Variants in PRDM16 observed in about 807,000 individuals in gnomAD.
The protein encoded by PRDM16 is histone-lysine N-methyltransferase PRDM16.
PRDM16 carries 23 observed loss-of-function variants against 110.6 expected under a neutral mutation model. The observed-to-expected ratio is 0.21, with a 90% CI of 0.15 to 0.29. PRDM16 has a LOEUF of 0.29. Ranked by LOEUF, PRDM16 falls within the 10% of genes least tolerant of loss-of-function variation. The probability of loss-of-function intolerance (pLI) is 1.00; values close to 1 mark genes in which losing one functional copy is unlikely to be tolerated. For missense variants in PRDM16, 1,615 were observed against 1,794.3 expected, an observed-to-expected ratio of 0.90 and a Z score of 1.81; for synonymous variants, 799 against 781.8, an observed-to-expected ratio of 1.02 and a Z score of -0.37.
chr1:3,179,807 G>A (rs532990741), intron 1 of PRDM16, among the ~76,000 whole-genome samples: 1 of 152,316 alleles, frequency 6.6e-6, no homozygotes, highest in East Asian at 1.9e-4. Context: ...GAGTGATCTC[G>A]TACAAGCTTT....
intron 3 of PRDM16, among the ~76,000 whole-genome samples, chr1:3,335,133 C>G (rs1642118266): frequency 6.6e-6 from 1 of 152,224 alleles, no homozygotes; most frequent in South Asian, 2.1e-4. Context: ...AGGCCCCTGT[C>G]CCTGCCTGGA....
rs568206734 is a variant in PRDM16, at chr1:3,255,671, T to A, written c.438+11534T>A. Among the ~76,000 whole-genome samples the A allele has an allele frequency of 6.6e-6, 1 of 152,294 alleles. No individual in the cohort carries two copies. Among genetic ancestry groups the A allele is most frequent in the Non-Finnish European group, 1.5e-5 (1 of 68,008 alleles). Reference sequence around the variant, plus strand: ...AGCAGGGCTTGGTCCACCCTGGCGGTTGGGCCCAGTTTGTCCTGACTGCCT... The same window carrying A: ...AGCAGGGCTTGGTCCACCCTGGCGGATGGGCCCAGTTTGTCCTGACTGCCT... On this transcript the variant is annotated intron_variant, in intron 3 of 16. Coordinates refer to ENST00000270722, the MANE Select transcript of PRDM16 (RefSeq NM_022114.4). This position sits in a 1 kb window ranked among gnomAD's most constrained non-coding sequence, Gnocchi z 4.7.
At chr1:3,198,680 C>G (rs1396476774) in intron 2 of PRDM16, among the ~76,000 whole-genome samples, 1 of 152,250 alleles carries the variant, frequency 6.6e-6, no homozygotes, top group African/African-American at 2.4e-5. Flanking sequence ...CCACTCTGGT[C>G]CTCCGGTCCC....
At chr1:3,110,724 C>T (rs142077094) in intron 1 of PRDM16, among the ~76,000 whole-genome samples, 2 of 152,336 alleles carry the variant, frequency 1.3e-5, no homozygotes, top group Non-Finnish European at 2.9e-5. Flanking sequence ...TTTCCTTCTC[C>T]TCACGTGGCA....
Position 3,092,102 on chromosome 1 carries a change from A to G in PRDM16, c.37+22806A>G, listed in dbSNP as rs533721756. Among the ~76,000 whole-genome samples the G allele has an allele frequency of 9.9e-5, 14 of 141,718 alleles. No homozygotes were observed. The East Asian group carries it at 2.6e-3, about 26-fold the overall frequency. 93.0% of individuals were successfully genotyped at this position (141,718 alleles called of 152,430 possible). A position where few individuals can be genotyped will look rare whatever the true frequency, so the allele number is the denominator to read the frequency against. ...ATCGCAGGATGCTCCCTGGGCCCCCATGTCACGGCACTGCTGCATGCTTGG... is the reference window on the plus strand; with the variant it reads ...ATCGCAGGATGCTCCCTGGGCCCCCGTGTCACGGCACTGCTGCATGCTTGG... On this transcript the variant is annotated intron_variant, in intron 1 of 16. Transcript: ENST00000270722.
chr1:3,193,466 A>T (rs1428392767), intron 2 of PRDM16, among the ~76,000 whole-genome samples: 1 of 152,198 alleles, frequency 6.6e-6, no homozygotes, highest in East Asian at 1.9e-4. Flanking sequence ...GTAGAAGCAG[A>T]ACTTGTGTGT....
chr1:3,292,380 C>T (rs1034813314), intron 3 of PRDM16, among the ~76,000 whole-genome samples: 2 of 152,188 alleles, frequency 1.3e-5, no homozygotes, highest in South Asian at 2.1e-4. Flanking sequence ...GGCTCTGTCC[C>T]GCAGCCTTTG....
intron 2 of PRDM16, among the ~76,000 whole-genome samples, chr1:3,196,762 A>G (rs551567072): frequency 4.6e-5 from 7 of 152,322 alleles, no homozygotes; most frequent in African/African-American, 1.7e-4. Flanking sequence ...CCAGCCCAGG[A>G]GGAGGCCCTG....
chr1:3,397,994 G>C (rs1643412729), intron 5 of PRDM16, among the ~76,000 whole-genome samples: 1 of 152,162 alleles, frequency 6.6e-6, no homozygotes, highest in South Asian at 2.1e-4. Context: ...CCTATCTGCA[G>C]CTTCCTCTAA....
chr1:3,296,511 G>A (rs570047198), intron 3 of PRDM16, among the ~76,000 whole-genome samples: 35 of 152,360 alleles, frequency 2.3e-4, no homozygotes, highest in African/African-American at 8.4e-4. Flanking sequence ...CTAACCCGGG[G>A]CCTCGTGTTG....
chr1:3,095,514 C>T (rs746006576), intron 1 of PRDM16, among the ~76,000 whole-genome samples: 3 of 152,180 alleles, frequency 2.0e-5, no homozygotes, highest in Non-Finnish European at 2.9e-5. Flanking sequence ...GCAGCCCAAG[C>T]ACTGCGTGGT....
At chr1:3,193,647 C>T (rs547595906) in intron 2 of PRDM16, among the ~76,000 whole-genome samples, 18 of 152,296 alleles carry the variant, frequency 1.2e-4, no homozygotes, top group South Asian at 6.2e-4. Context: ...CTGAGAAGTG[C>T]GCCCACCCAG....
chr1:3,396,563 C>G lies in PRDM16; in HGVS notation c.646C>G (p.Pro216Ala). Residue 216 changes from proline (P) to alanine (A), a missense_variant, in exon 5 of 17, where the codon CCC (proline) becomes GCC (alanine). Physicochemically the swap from Pro to Ala is conservative, Grantham distance 27. Around this residue, in one of 5 missense-constraint regions of PRDM16, gnomAD observed 416 missense variants for 467.1 expected, o/e 0.89. Transcript: ENST00000270722. ...LLVHVKEGVY[P>A]LGTVPPGLDE... ...GGTGCACGTGAAGGAAGGCGTCTAC[C>G]CCCTGGGCACAGTGCCGCCCGGCCT... 1.9e-6 allele frequency: 3 copies of G among 1,602,420 alleles called. No individual in the cohort carries two copies. The highest frequency in any genetic ancestry group is 2.3e-5 in the South Asian group (2 of 88,868).
chr1:3,220,618 G>T (rs996205131), intron 2 of PRDM16, among the ~76,000 whole-genome samples: 1 of 152,176 alleles, frequency 6.6e-6, no homozygotes, highest in African/African-American at 2.4e-5. Flanking sequence ...CTTTGGGGAT[G>T]GTCTAGAGGG....
intron 9 of PRDM16, among the ~76,000 whole-genome samples, chr1:3,413,512 G>GC (rs1015118266): frequency 6.6e-6 from 1 of 151,976 alleles, no homozygotes; most frequent in Non-Finnish European, 1.5e-5. Flanking sequence ...GGTTGGAAGA[G>GC]CAGGGCTAGG....
intron 5 of PRDM16, among the ~76,000 whole-genome samples, chr1:3,402,501 G>A (rs1354199015): frequency 6.6e-6 from 1 of 152,228 alleles, no homozygotes; most frequent in Non-Finnish European, 1.5e-5. Context: ...GCCCACAGTG[G>A]CTGCCTGAGG....
At chr1:3,205,038 G>A (rs929570215) in intron 2 of PRDM16, among the ~76,000 whole-genome samples, 1 of 152,150 alleles carries the variant, frequency 6.6e-6, no homozygotes, top group Non-Finnish European at 1.5e-5. Flanking sequence ...GGTATAATGC[G>A]GCCTAAATGA....
chr1:3,424,789 A>AGGGAGCTGGTCT (rs200799050), intron 12 of PRDM16: 10,029 of 152,498 alleles, frequency 0.066, 335 homozygotes, highest in Middle Eastern at 0.1. Context: ...GGAAGGTCAC[A>AGGGAGCTGGTCT]GGGAGCTGGT....
At chr1:3,219,894 C>T (rs945639492) in intron 2 of PRDM16, among the ~76,000 whole-genome samples, 5 of 152,194 alleles carry the variant, frequency 3.3e-5, no homozygotes, top group Non-Finnish European at 7.3e-5. Flanking sequence ...TGAGGTCCCC[C>T]GGATCCACGG....
Sources: allele counts gnomAD v4.1 joint callset (sites outside exome capture counted in the v4.1 genomes callset), GRCh38; gene constraint gnomAD v4.1.1; regional missense constraint gnomAD v4.1.1; non-coding constraint Gnocchi (gnomAD v3.1); transcripts MANE v1.5; gene names NCBI Gene and HGNC (gene_info 2026-07-23, HGNC 2026-07-21).